The following NINL variants were observed in gnomAD, a reference collection of about 807,000 sequenced individuals.
NINL encodes the protein ninein-like protein.
Under a neutral mutation model 160.3 loss-of-function variants are expected in NINL, and 153 were observed. The ratio of observed to expected loss-of-function variants is 0.95; its 90% CI spans 0.84 to 1.09. The LOEUF (loss-of-function observed/expected upper bound fraction) is 1.09. NINL is among the 50% of genes least tolerant of loss of function. The pLI is 0.00. For synonymous variants in NINL, 800 were observed against 734.8 expected (o/e 1.09, Z -1.43); for missense variants, 1,829 against 1,764.0 (o/e 1.04, Z -0.66).
intron 19 of NINL, among the ~76,000 whole-genome samples, chr20:25,465,367 T>C (rs2062886368): frequency 6.6e-6 from 1 of 152,164 alleles, no homozygotes; most frequent in South Asian, 2.1e-4. Flanking sequence ...TCTTCTGAAA[T>C]GTGACCTGAA....
intron 3 of NINL, among the ~76,000 whole-genome samples, chr20:25,513,675 T>C (rs1039944221): frequency 2.0e-5 from 3 of 152,230 alleles, no homozygotes; most frequent in African/African-American, 7.2e-5. Context: ...GATTGGATCA[T>C]GCAGGTGGAT....
At chr20:25,582,632 C>A (rs1428051830) in intron 1 of NINL, among the ~76,000 whole-genome samples, 2 of 152,204 alleles carry the variant, frequency 1.3e-5, no homozygotes, top group Non-Finnish European at 2.9e-5. Context: ...AATCTGTCAT[C>A]ATTTAAACCA....
At chr20:25,516,835 A>G (rs942450374) in intron 3 of NINL, among the ~76,000 whole-genome samples, 2 of 152,116 alleles carry the variant, frequency 1.3e-5, no homozygotes, top group African/African-American at 4.8e-5. Flanking sequence ...ACCAGCACAC[A>G]GCAGAAGGAG....
At chr20:25,475,785 G>A (rs560647038) in intron 17 of NINL, among the ~76,000 whole-genome samples, 144 of 152,302 alleles carry the variant, frequency 9.5e-4, no homozygotes, top group African/African-American at 3.1e-3. Context: ...TCTTGAACCC[G>A]GAAGGTGGGT....
At chr20:25,491,641 G>T in intron 10 of NINL, 116 bp from the exon 11 acceptor site, 1 of 1,258,540 alleles carries the variant, frequency 7.9e-7, no homozygotes, top group Non-Finnish European at 1.1e-6. Flanking sequence ...AGCACGTGCA[G>T]GGCCGCCCTG....
At chr20:25,573,868 G>C (rs1377403276) in intron 1 of NINL, among the ~76,000 whole-genome samples, 1 of 152,186 alleles carries the variant, frequency 6.6e-6, no homozygotes, top group Non-Finnish European at 1.5e-5. Flanking sequence ...GGTGACTAGG[G>C]ACCCTGGAGC....
At position 25,489,278 on chromosome 20, in the gene NINL, G is replaced by A. The variant is rs2063569998; in HGVS notation, c.1643C>T (p.Ala548Val). 1 of 1,614,126 alleles carries A rather than the reference G, an allele frequency of 6.2e-7. No homozygotes were observed. ...GAGCTCGTATTCCTTCAGGACTGCTGCGAACCGCTCCTCCTGGGCCAGGAG... is the reference window on the plus strand; with the variant it reads ...GAGCTCGTATTCCTTCAGGACTGCTACGAACCGCTCCTCCTGGGCCAGGAG... Reference protein sequence around the residue: ...AELLAQEERFAAVLKEYELKC... With the variant: ...AELLAQEERFVAVLKEYELKC... The change falls in exon 13 of 24, where the codon GCA (alanine) becomes GTA (valine). Residue 548 changes from alanine (A) to valine (V), a missense_variant. Transcript: ENST00000278886.
chr20:25,506,602 A>G (rs1241066032), intron 5 of NINL, among the ~76,000 whole-genome samples: 1 of 152,218 alleles, frequency 6.6e-6, no homozygotes, highest in Admixed American at 6.5e-5. Flanking sequence ...TACCTTACAC[A>G]TCTCAGAACA....
At chr20:25,583,548 T>C (rs938079565) in intron 1 of NINL, among the ~76,000 whole-genome samples, 1 of 152,178 alleles carries the variant, frequency 6.6e-6, no homozygotes, top group African/African-American at 2.4e-5. Context: ...AGTTCAACCA[T>C]TGTGGAAGAC....
At chr20:25,545,061 T>G (rs917314024) in intron 1 of NINL, among the ~76,000 whole-genome samples, 3 of 152,216 alleles carry the variant, frequency 2.0e-5, no homozygotes, top group African/African-American at 7.2e-5. Context: ...CAGGAAAACC[T>G]GGGATAGCTC....
chr20:25,552,201 C>G (rs370469424), intron 1 of NINL, among the ~76,000 whole-genome samples: 1 of 151,952 alleles, frequency 6.6e-6, no homozygotes, highest in South Asian at 2.1e-4. Flanking sequence ...TTCCCTCAAG[C>G]CTTTTATCAT....
chr20:25,539,399 C>T (rs905518521), intron 1 of NINL, among the ~76,000 whole-genome samples: 6 of 152,368 alleles, frequency 3.9e-5, no homozygotes, highest in Admixed American at 3.3e-4. Flanking sequence ...CCAAGGCAGG[C>T]AGCTCAGGTC....
chr20:25,462,508 T>C lies in NINL; in HGVS notation c.3457A>G (p.Asn1153Asp). The part of the protein sequence containing the change: ...QNYKDQLSQL[N>D]VRVLQLGQEA... ...TGTCCCAGTTGAAGAACCCTGACAT[T>C]GAGCTGGGATAATTGATCCTTGTAG... Residue 1153 changes from asparagine (N) to aspartate (D), a missense_variant, in exon 20 of 24, where the codon AAT becomes GAT. Coordinates refer to ENST00000278886, the MANE Select transcript of NINL (RefSeq NM_025176.6). 1 of 1,613,742 alleles carries C rather than the reference T, an allele frequency of 6.2e-7. No individual in the cohort carries two copies.
chr20:25,477,121 C>T (rs1011436858), intron 16 of NINL, 32 bp from the exon 17 acceptor site: 4 of 1,531,142 alleles, frequency 2.6e-6, no homozygotes, highest in Non-Finnish European at 2.6e-6. Flanking sequence ...ACACCACAGC[C>T]CTGCCGCCCC....
chr20:25,477,034 C>A lies in NINL; in HGVS notation c.2257G>T (p.Ala753Ser). The change falls in exon 17 of 24, where the codon GCT (alanine) becomes TCT (serine). Residue 753 changes from alanine (A) to serine (S), a missense_variant. Ala to Ser is a moderately conservative substitution (Grantham distance 99). Coordinates refer to ENST00000278886, the MANE Select transcript of NINL (RefSeq NM_025176.6). ...GELSGLGALP[A>S]RRDLTLELEE... ...AGCTCCAAGGTCAGGTCTCTGCGAG[C>A]GGGCAGGGCTCCCAGCCCCGACAGC... The A allele has an allele frequency of 6.3e-7, 1 of 1,599,236 alleles. No individual in the cohort carries two copies. The highest frequency in any genetic ancestry group is 8.5e-7 in the Non-Finnish European group (1 of 1,179,614).
intron 17 of NINL, among the ~76,000 whole-genome samples, chr20:25,470,357 G>A (rs530175459): frequency 4.6e-5 from 7 of 152,172 alleles, no homozygotes; most frequent in Non-Finnish European, 8.8e-5. Context: ...CAGAACCTTG[G>A]GTTTTGCTTA....
At chr20:25,490,061 T>A in intron 11 of NINL, 76 bp from the exon 12 acceptor site, 2 of 1,273,552 alleles carry the variant, frequency 1.6e-6, no homozygotes, top group Non-Finnish European at 2.3e-6. Context: ...GGTGAGAGGC[T>A]TGCTTCTCAT....
At chr20:25,566,575 A>G (rs2065001798) in intron 1 of NINL, among the ~76,000 whole-genome samples, 1 of 152,198 alleles carries the variant, frequency 6.6e-6, no homozygotes, top group Admixed American at 6.5e-5. Flanking sequence ...AAAGATGAGT[A>G]AGGTTCATAA....
chr20:25,488,974 T>C (rs1407598751), intron 13 of NINL: 9 of 473,840 alleles, frequency 1.9e-5, no homozygotes, highest in Non-Finnish European at 3.1e-5. Context: ...CGGACACGCA[T>C]GGCAGGTTTG....
Sources: gnomAD v4.1 joint callset for allele counts (sites outside exome capture counted in the v4.1 genomes callset) on GRCh38, gnomAD v4.1.1 for gene constraint, MANE v1.5 for transcripts, NCBI Gene and HGNC (gene_info 2026-07-23, HGNC 2026-07-21) for gene names.